The following DNAAF9 variants were observed in gnomAD, a reference collection of about 807,000 sequenced individuals.
The protein encoded by DNAAF9 is dynein axonemal assembly factor 9, also known as shulin.
In DNAAF9, 90 loss-of-function variants were observed where a neutral mutation model predicts 167.0. The ratio of observed to expected loss-of-function variants is 0.54; its 90% CI spans 0.45 to 0.64. DNAAF9 has a LOEUF of 0.64. Ranked by LOEUF, DNAAF9 falls within the 30% of genes least tolerant of loss-of-function variation. The pLI, the probability that DNAAF9 is intolerant of heterozygous loss-of-function variation, is 0.00. For missense variants in DNAAF9, 1,315 were observed against 1,442.2 expected, an observed-to-expected ratio of 0.91 and a Z score of 1.43; for synonymous variants, 491 against 508.8, an observed-to-expected ratio of 0.96 and a Z score of 0.47.
chr20:3,326,252 A>G lies in DNAAF9; in HGVS notation c.1133T>C (p.Ile378Thr), dbSNP rs766126027. The change falls in exon 13 of 37, where the codon ATT becomes ACT. Residue 378 changes from isoleucine (I) to threonine (T), a missense_variant. Transcript: ENST00000252032. ...RLLSQIYAAVIEAVLAGIACY... is the reference protein window; with the variant it reads ...RLLSQIYAAVTEAVLAGIACY... ...TGCAATGCCAGCCAAAACAGCCTCA[A>G]TAACAGCAGCATATATCTGGGACAA... 11 of 1,613,626 alleles carry G rather than the reference A, an allele frequency of 6.8e-6. No individual in the cohort carries two copies. Among genetic ancestry groups the G allele is most frequent in the Middle Eastern group, 1.6e-4 (1 of 6,082 alleles).
intron 6 of DNAAF9, among the ~76,000 whole-genome samples, chr20:3,369,627 T>C (rs1411504045): frequency 6.6e-6 from 1 of 152,214 alleles, no homozygotes; most frequent in Admixed American, 6.5e-5. Context: ...TCTGCCTGCC[T>C]CAGCCTCCCA....
intron 10 of DNAAF9, among the ~76,000 whole-genome samples, chr20:3,336,252 G>GTTTGTTTTTTTTT (rs2069940690): frequency 1.2e-5 from 1 of 81,444 alleles, no homozygotes; most frequent in South Asian, 4.5e-4. Flanking sequence ...ACAGTTTTGC[G>GTTTGTTTTTTTTT]TTTTTGTTTT....
At chr20:3,291,314 T>G (rs1232631214) in intron 25 of DNAAF9, among the ~76,000 whole-genome samples, 5 of 151,028 alleles carry the variant, frequency 3.3e-5, no homozygotes, top group Non-Finnish European at 7.4e-5. Flanking sequence ...GTAAATGACT[T>G]GGCATGGCAA....
In DNAAF9 at chr20:3,354,250, A is replaced by G. The variant is rs183591021; in HGVS notation, c.690+5266T>C. Among the ~76,000 whole-genome samples, 184 of 152,332 alleles carry G rather than the reference A, an allele frequency of 1.2e-3. 1 individual carries two copies. Among genetic ancestry groups the G allele is most frequent in the South Asian group, 2.1e-3 (10 of 4,830 alleles). On this transcript the variant is annotated intron_variant, in intron 7 of 36. Transcript: ENST00000252032. ...ATGCTATTCTCCCAACTTTTCCCCAACATAAACACTGCATTTGTGGAAATG... is the reference window on the plus strand; with the variant it reads ...ATGCTATTCTCCCAACTTTTCCCCAGCATAAACACTGCATTTGTGGAAATG...
intron 16 of DNAAF9, among the ~76,000 whole-genome samples, chr20:3,320,441 C>A (rs908150786): frequency 2.6e-5 from 4 of 152,126 alleles, no homozygotes; most frequent in Non-Finnish European, 5.9e-5. Flanking sequence ...GCATACTTGA[C>A]GCAAGACTAT....
chr20:3,302,741 T>C (rs904331406), intron 21 of DNAAF9, among the ~76,000 whole-genome samples: 1 of 152,102 alleles, frequency 6.6e-6, no homozygotes, highest in African/African-American at 2.4e-5. Flanking sequence ...TGCAAACTAA[T>C]ATATAGGGAC....
At chr20:3,300,244 A>G (rs1046725444) in intron 21 of DNAAF9, among the ~76,000 whole-genome samples, 2 of 152,112 alleles carry the variant, frequency 1.3e-5, no homozygotes, top group African/African-American at 4.8e-5. Context: ...GGATTTTGAT[A>G]CGGACTGCAC....
chr20:3,293,170 G>A (rs1394115744), intron 25 of DNAAF9, among the ~76,000 whole-genome samples: 4 of 151,568 alleles, frequency 2.6e-5, no homozygotes, highest in East Asian at 3.9e-4. Context: ...GCGCATGCCT[G>A]TAATCCCAGC....
chr20:3,352,195 G>A (rs1333445535), intron 7 of DNAAF9, among the ~76,000 whole-genome samples: 1 of 152,164 alleles, frequency 6.6e-6, no homozygotes, highest in Non-Finnish European at 1.5e-5. Flanking sequence ...ATAGTATTTT[G>A]TATATAGAAA....
intron 8 of DNAAF9, among the ~76,000 whole-genome samples, chr20:3,345,913 G>A (rs1307722272): frequency 1.3e-5 from 2 of 151,766 alleles, no homozygotes; most frequent in South Asian, 2.1e-4. Flanking sequence ...CCAGCCTGGC[G>A]ACAGAGCGAC....
chr20:3,376,562 C>T (rs559133686), intron 3 of DNAAF9, among the ~76,000 whole-genome samples: 1 of 152,264 alleles, frequency 6.6e-6, no homozygotes, highest in South Asian at 2.1e-4. Flanking sequence ...AGAACATGTA[C>T]CCAAAATGGC....
intron 22 of DNAAF9, among the ~76,000 whole-genome samples, chr20:3,297,316 C>T (rs185275184): frequency 6.6e-6 from 1 of 152,176 alleles, no homozygotes; most frequent in African/African-American, 2.4e-5. Flanking sequence ...CCTAAAGAGC[C>T]GTCTTTATTT....
intron 11 of DNAAF9, among the ~76,000 whole-genome samples, chr20:3,331,515 G>C (rs1316546118): frequency 6.6e-6 from 1 of 152,102 alleles, no homozygotes. Flanking sequence ...CAGTAAGCAG[G>C]GCAGCCCCAG....
intron 4 of DNAAF9, 124 bp downstream of exon 4, chr20:3,376,054 C>T: frequency 2.3e-6 from 2 of 887,432 alleles, no homozygotes; most frequent in South Asian, 3.9e-5. Context: ...CCACTTCAAA[C>T]AGATAATCTT....
intron 10 of DNAAF9, among the ~76,000 whole-genome samples, chr20:3,334,609 T>C (rs751228194): frequency 2.0e-5 from 3 of 152,170 alleles, no homozygotes; most frequent in Non-Finnish European, 4.4e-5. Context: ...CTATATTTAG[T>C]TTTGTAAGGA....
At chr20:3,323,947 GC>G (rs1190215843) in intron 14 of DNAAF9, among the ~76,000 whole-genome samples, 9 of 152,220 alleles carry the variant, frequency 5.9e-5, no homozygotes, top group Non-Finnish European at 1.0e-4. Flanking sequence ...AACTGAAGAA[GC>G]GTTCTCAAAT....
At chr20:3,264,909 C>T (rs534222867) in intron 30 of DNAAF9, among the ~76,000 whole-genome samples, 1 of 152,198 alleles carries the variant, frequency 6.6e-6, no homozygotes, top group South Asian at 2.1e-4. Context: ...TCTTCATGTC[C>T]CCTAAATACA....
rs763159627 is a variant in DNAAF9 at position 3,318,405 on chromosome 20, A to G, written c.1357-5T>C. The G allele has an allele frequency of 6.8e-6, 10 of 1,467,306 alleles. No individual in the cohort carries two copies. The South Asian group carries it at 1.1e-4, about 17-fold the overall frequency. The allele number at this position is 1,467,306 out of a possible 1,614,324, so 90.9% of individuals were successfully genotyped here. On this transcript the variant is annotated splice_polypyrimidine_tract_variant and splice_region_variant and intron_variant, in intron 16 of 36. Transcript: ENST00000252032. ...GTCATAGACGGCCATACAAGCCTGC[A>G]TTGAATGAGAAACCAGTTAGATCAG...
chr20:3,332,430 A>C, intron 10 of DNAAF9, 69 bp from the exon 11 acceptor site: 1 of 795,112 alleles, frequency 1.3e-6, no homozygotes, highest in Non-Finnish European at 2.2e-6. Flanking sequence ...GATAAACAAA[A>C]AGTATAGAGT....
Sources: gnomAD v4.1 joint callset for allele counts (sites outside exome capture counted in the v4.1 genomes callset) on GRCh38, gnomAD v4.1.1 for gene constraint, MANE v1.5 for transcripts, NCBI Gene and HGNC (gene_info 2026-07-23, HGNC 2026-07-21) for gene names.